The following RGS5 variants were observed in gnomAD, a reference collection of about 807,000 sequenced individuals.
RGS5 encodes regulator of G-protein signalling 5.
In RGS5, 20 loss-of-function variants were observed where a neutral mutation model predicts 18.9. The ratio of observed to expected loss-of-function variants is 1.06; its 90% CI spans 0.74 to 1.54. The LOEUF (loss-of-function observed/expected upper bound fraction) is 1.54. Among genes scored for constraint, RGS5 ranks in the 40% most tolerant of loss-of-function variants. The pLI is 0.00. For missense variants in RGS5, 201 were observed against 211.8 expected (o/e 0.95, Z 0.32); for synonymous variants, 57 against 76.2 (o/e 0.75, Z 1.31).
intron 4 of RGS5, among the ~76,000 whole-genome samples, chr1:163,152,188 C>A (rs1269217888): frequency 6.6e-6 from 1 of 152,078 alleles, no homozygotes; most frequent in Non-Finnish European, 1.5e-5. Flanking sequence ...TTTTTACACC[C>A]ACTATTTAAT....
At chr1:163,147,929 T>C (rs1329765024) in intron 4 of RGS5, among the ~76,000 whole-genome samples, 4 of 138,496 alleles carry the variant, frequency 2.9e-5, no homozygotes, top group African/African-American at 8.2e-5. Context: ...TTTTTTTTTT[T>C]TTTTTTTTTT....
chr1:163,175,495 G>C (rs1348845278), intron 1 of RGS5, among the ~76,000 whole-genome samples: 14 of 152,218 alleles, frequency 9.2e-5, no homozygotes, highest in Admixed American at 2.6e-4. Flanking sequence ...GTGGAAAGTC[G>C]GCTCAGTTCT....
intron 1 of RGS5, among the ~76,000 whole-genome samples, chr1:163,169,562 G>T (rs1319140634): frequency 6.6e-6 from 1 of 152,092 alleles, no homozygotes; most frequent in Admixed American, 6.6e-5. Context: ...ATTCTAACTG[G>T]TGTGAGATGG....
rs746606578 is a variant in RGS5, at chr1:163,152,606, C to A, written c.328G>T (p.Ala110Ser). The change falls in exon 4 of 5, where the codon GCT (alanine) becomes TCT (serine). Residue 110 changes from alanine to serine, a missense_variant. Ala to Ser is a moderately conservative substitution (Grantham distance 99, BLOSUM62 1). Coordinates refer to ENST00000313961, the MANE Select transcript of RGS5 (RefSeq NM_003617.4). ...TCATAAATTTGCTTTGCCTTCTCAG[C>A]CATCTTGGCAGGGGACTTGATCTTC... ...YKKIKSPAKM[A>S]EKAKQIYEEF... 6.2e-6 allele frequency: 10 copies of A among 1,612,690 alleles called. No individual in the cohort carries two copies. In the African/African-American group the frequency reaches 8.0e-5, roughly 13 times the overall value.
At chr1:163,255,809 A>C (rs1322862941) in intron 2 of RGS5, among the ~76,000 whole-genome samples, 2 of 152,064 alleles carry the variant, frequency 1.3e-5, no homozygotes, top group African/African-American at 4.8e-5. Flanking sequence ...GGTTCAATAT[A>C]TGCAAATCAA....
chr1:163,161,823 T>G, intron 3 of RGS5, 92 bp downstream of exon 3: 1 of 941,238 alleles, frequency 1.1e-6, no homozygotes, highest in African/African-American at 1.6e-5. Context: ...AATGTCAACA[T>G]TGGGGAAGAA....
chr1:163,242,521 G>A (rs1023977342), intron 2 of RGS5, among the ~76,000 whole-genome samples: 5 of 152,142 alleles, frequency 3.3e-5, no homozygotes, highest in Admixed American at 1.3e-4. Flanking sequence ...ATAATCAAAT[G>A]TAATATTCAA....
At chr1:163,163,533 T>G (rs1322101080) in intron 2 of RGS5, among the ~76,000 whole-genome samples, 2 of 152,168 alleles carry the variant, frequency 1.3e-5, no homozygotes, top group Non-Finnish European at 2.9e-5. Flanking sequence ...CTCTATAGCA[T>G]TCTTGTTCAT....
chr1:163,250,518 C>A (rs1248772655), intron 2 of RGS5, among the ~76,000 whole-genome samples: 1 of 152,096 alleles, frequency 6.6e-6, no homozygotes, highest in Non-Finnish European at 1.5e-5. Context: ...ATTCCCTAAA[C>A]CTCTGCTAAA....
At chr1:163,178,909 A>C (rs1052394917) in intron 1 of RGS5, among the ~76,000 whole-genome samples, 1 of 152,220 alleles carries the variant, frequency 6.6e-6, no homozygotes, top group Non-Finnish European at 1.5e-5. Flanking sequence ...GGATCTGTCC[A>C]AGCAATATCA....
At chr1:163,321,383 G>C (rs1650203690) in intron 1 of RGS5, 1 of 152,192 alleles carries the variant, frequency 6.6e-6, no homozygotes, top group African/African-American at 2.4e-5. Context: ...GTGCTTATGA[G>C]CACAGAGTCA....
At chr1:163,313,058 C>T (rs12143814) in intron 1 of RGS5, among the ~76,000 whole-genome samples, 7,571 of 152,186 alleles carry the variant, frequency 0.05, 224 homozygotes, top group South Asian at 0.094. Flanking sequence ...TGTACTAATT[C>T]CCCATATAAC....
At chr1:163,310,896 C>T (rs565176753) in intron 1 of RGS5, among the ~76,000 whole-genome samples, 153 of 152,196 alleles carry the variant, frequency 1.0e-3, no homozygotes, top group African/African-American at 3.6e-3. Context: ...AGCAAGGCAC[C>T]TTCTTCACAA....
In RGS5 at chr1:163,247,210, G is replaced by T. The variant is rs1038667372; in HGVS notation, c.-281+59023C>A. Reference sequence around the variant, plus strand: ...CACAATTTATCCACGTAACAAATCTGCACATGTTCCCCCTAAACCTAAAAT... The same window carrying T: ...CACAATTTATCCACGTAACAAATCTTCACATGTTCCCCCTAAACCTAAAAT... On this transcript the variant is annotated intron_variant, in intron 2 of 5. Transcript: ENST00000618415. 3.3e-5 allele frequency among the ~76,000 whole-genome samples: 5 copies of T among 152,216 alleles called. No individual in the cohort carries two copies. In the East Asian group the frequency reaches 7.7e-4, roughly 23 times the overall value.
At chr1:163,147,921 T>TTTTTTCTTTC (rs1338625599) in intron 4 of RGS5, among the ~76,000 whole-genome samples, 4 of 131,536 alleles carry the variant, frequency 3.0e-5, no homozygotes, top group South Asian at 2.7e-4. Context: ...TCTTTTTCTT[T>TTTTTTCTTTC]TTTTTTTTTT....
intron 2 of RGS5, among the ~76,000 whole-genome samples, chr1:163,280,101 T>C (rs947301026): frequency 9.2e-5 from 14 of 152,098 alleles, no homozygotes; most frequent in Non-Finnish European, 2.1e-4. Flanking sequence ...CTAATACCAA[T>C]TCTTCTCAAA....
chr1:163,217,714 A>G, upstream of RGS5: 1 of 1,340,836 alleles, frequency 7.5e-7, no homozygotes, highest in Non-Finnish European at 9.8e-7. Flanking sequence ...AACCTTGATG[A>G]CATTGTTGAG....
chr1:163,255,616 C>G (rs2101701638), intron 2 of RGS5, among the ~76,000 whole-genome samples: 1 of 150,898 alleles, frequency 6.6e-6, no homozygotes, highest in Middle Eastern at 3.4e-3. Context: ...TTTTATGAGG[C>G]CAGCATCATC....
intron 2 of RGS5, among the ~76,000 whole-genome samples, chr1:163,165,704 G>A (rs1467589077): frequency 6.6e-6 from 1 of 152,140 alleles, no homozygotes; most frequent in African/African-American, 2.4e-5. Context: ...TCAGGTGTTC[G>A]AGACCAGCCT....
Sources: gnomAD v4.1 joint callset for allele counts (sites outside exome capture counted in the v4.1 genomes callset) on GRCh38, gnomAD v4.1.1 for gene constraint, MANE v1.5 for transcripts, NCBI Gene and HGNC (gene_info 2026-07-23, HGNC 2026-07-21) for gene names.